Variants in GGA2 observed in about 807,000 individuals in gnomAD.
GGA2 encodes the protein ADP-ribosylation factor-binding protein GGA2.
Under a neutral mutation model 79.5 loss-of-function variants are expected in GGA2, and 48 were observed. That is an observed-to-expected ratio of 0.60 (90% CI 0.48 to 0.77). GGA2 has a LOEUF of 0.77. Among genes scored for constraint, GGA2 ranks in the 30% least tolerant of loss-of-function variants. The probability of loss-of-function intolerance (pLI) is 0.00; values close to 1 mark genes in which losing one functional copy is unlikely to be tolerated. For missense variants in GGA2, 770 were observed against 774.0 expected (o/e 0.99, Z 0.06); for synonymous variants, 317 against 302.0 (o/e 1.05, Z -0.51).
rs1278874765 is a variant in GGA2, at chr16:23,465,647, A to G, written c.*1943T>C. ...TACGCAACAGTAACAGAGCCTATAA[A>G]AGCTACACAGAGGCCGGGTGCGGTG... On this transcript the variant is annotated 3_prime_UTR_variant, in exon 17 of 17. Coordinates refer to ENST00000309859, the MANE Select transcript of GGA2 (RefSeq NM_015044.4). 1 of 514,296 alleles carries G rather than the reference A, an allele frequency of 1.9e-6. No individual in the cohort carries two copies. Among genetic ancestry groups the G allele is most frequent in the Non-Finnish European group, 3.5e-6 (1 of 288,782 alleles). 31.9% of individuals were successfully genotyped at this position (514,296 alleles called of 1,614,324 possible).
chr16:23,491,306 CAAAA>C (rs35347154), intron 5 of GGA2, among the ~76,000 whole-genome samples: 1 of 66,504 alleles, frequency 1.5e-5, no homozygotes, highest in Non-Finnish European at 2.6e-5. Context: ...CACCTTGTCT[CAAAA>C]AAAAAAAAAA....
intron 1 of GGA2, among the ~76,000 whole-genome samples, chr16:23,498,436 T>C (rs1964882421): frequency 1.3e-5 from 2 of 150,966 alleles, no homozygotes; most frequent in East Asian, 2.0e-4. Flanking sequence ...TCAAAAATAA[T>C]AATAAAAACA....
intron 1 of GGA2, chr16:23,501,229 G>A: frequency 2.2e-6 from 1 of 450,746 alleles, no homozygotes; most frequent in Non-Finnish European, 4.5e-6. Context: ...TCGTAGCTTT[G>A]GTGTACATCG....
Position 23,504,081 on chromosome 16 carries a change from C to CAA in GGA2, c.91+6238_91+6239dup, listed in dbSNP as rs1302041009. On this transcript the variant is annotated intron_variant, in intron 1 of 16. Transcript: ENST00000309859. ...GGGTAATAAGAGTGAAACTCCGTCTCAAAAAAAAAAAAAAAAGTACCTACT... is the reference window on the plus strand; with the variant it reads ...GGGTAATAAGAGTGAAACTCCGTCTCAAAAAAAAAAAAAAAAAAGTACCTACT... 6.0e-4 allele frequency among the ~76,000 whole-genome samples: 66 copies of CAA among 109,384 alleles called. 1 individual carries two copies. Among genetic ancestry groups the CAA allele is most frequent in the African/African-American group, 1.9e-3 (57 of 29,272 alleles). 71.8% of individuals were successfully genotyped at this position (109,384 alleles called of 152,430 possible).
Position 23,466,179 on chromosome 16 carries a change from G to T in GGA2, c.*1411C>A, listed in dbSNP as rs1964435269. ...TCAGACTGTAAAAATATCAGATATTGTAATTAAGAGCTCCAAACAAGTCTT... is the reference window on the plus strand; with the variant it reads ...TCAGACTGTAAAAATATCAGATATTTTAATTAAGAGCTCCAAACAAGTCTT... On this transcript the variant is annotated 3_prime_UTR_variant, in exon 17 of 17. Transcript: ENST00000309859. 1 of 152,118 alleles carries T rather than the reference G, an allele frequency of 6.6e-6. No individual in the cohort carries two copies. Among genetic ancestry groups the T allele is most frequent in the African/African-American group, 2.4e-5 (1 of 41,432 alleles). The allele number at this position is 152,118 out of a possible 1,614,324, so 9.4% of individuals were successfully genotyped here.
upstream of GGA2, among the ~76,000 whole-genome samples, chr16:23,515,237 T>A (rs188696289): frequency 6.6e-6 from 1 of 151,630 alleles, no homozygotes; most frequent in African/African-American, 2.4e-5. Context: ...GATAGGAAGA[T>A]TGCTTGAGCC....
chr16:23,504,061 A>G (rs964192889), intron 1 of GGA2, among the ~76,000 whole-genome samples: 3 of 152,036 alleles, frequency 2.0e-5, no homozygotes, highest in African/African-American at 7.2e-5. Flanking sequence ...AGCCTGGGTA[A>G]TAAGAGTGAA....
chr16:23,519,156 C>T (rs1022888595), intron 2 of GGA2, among the ~76,000 whole-genome samples: 1 of 151,330 alleles, frequency 6.6e-6, no homozygotes, highest in East Asian at 2.0e-4. Flanking sequence ...GATCCTCCCA[C>T]CTCAGCCACG....
Position 23,480,669 on chromosome 16 carries a change from A to G in GGA2, c.982T>C (p.Leu328=), listed in dbSNP as rs148964489. Residue 328 remains leucine, a synonymous_variant, in exon 10 of 17, where the codon TTG becomes CTG. Coordinates refer to ENST00000309859, the MANE Select transcript of GGA2 (RefSeq NM_015044.4). ...VTFGNRVTSS[L]GDIPVSRVFQ... ...CCTCTGGAGACAGGGATGTCTCCCA[A>G]TGAGCTGGTCACTCTGTTTCCAAAG... 9.9e-6 allele frequency: 16 copies of G among 1,613,480 alleles called. No homozygotes were observed. The East Asian group carries it at 1.8e-4, about 18-fold the overall frequency.
intron 5 of GGA2, 56 bp from the exon 6 acceptor site, chr16:23,488,765 C>G: frequency 2.1e-6 from 2 of 972,152 alleles, no homozygotes; most frequent in Non-Finnish European, 3.3e-6. Context: ...AAACTTCAGT[C>G]AGAATCCAGT....
Position 23,478,480 on chromosome 16 carries a change from C to T in GGA2, c.1180G>A (p.Glu394Lys). Residue 394 changes from glutamate to lysine, a missense_variant, in exon 13 of 17, where the codon GAG (glutamate) becomes AAG (lysine). Transcript: ENST00000309859. ...CTGGAGGAGGGATTCCTCTTTTCCTCACAGCAATTCTGACCAGAAACCTGT... is the reference window on the plus strand; with the variant it reads ...CTGGAGGAGGGATTCCTCTTTTCCTTACAGCAATTCTGACCAGAAACCTGT... ...TGMVSGQNCCEEKRNPSSSTL... is the reference protein window; with the variant it reads ...TGMVSGQNCCKEKRNPSSSTL... 1 of 1,608,018 alleles carries T rather than the reference C, an allele frequency of 6.2e-7. No homozygotes were observed. The highest frequency in any genetic ancestry group is 1.7e-4 in the Middle Eastern group (1 of 6,042).
intron 1 of GGA2, chr16:23,501,108 T>G (rs1964917024): frequency 2.6e-6 from 1 of 388,140 alleles, no homozygotes; most frequent in Non-Finnish European, 5.1e-6. Context: ...ACACCCACTT[T>G]CACAAGAGAA....
intron 1 of GGA2, among the ~76,000 whole-genome samples, chr16:23,504,402 T>C (rs983214519): frequency 1.3e-5 from 2 of 152,216 alleles, no homozygotes; most frequent in African/African-American, 4.8e-5. Flanking sequence ...TCACAGGCTC[T>C]AGTACCTAGA....
At chr16:23,522,465 C>T (rs188533700), upstream of GGA2, 1 of 151,892 alleles carries the variant, frequency 6.6e-6, no homozygotes, top group African/African-American at 2.4e-5. Flanking sequence ...TTTTCCAAAA[C>T]CTGTTTTTTT....
chr16:23,482,832 C>A, intron 9 of GGA2, 91 bp downstream of exon 9: 1 of 833,100 alleles, frequency 1.2e-6, no homozygotes. Flanking sequence ...AAAGTCCACT[C>A]TGTCTTGTTC....
At position 23,482,972 on chromosome 16, in the gene GGA2, G is replaced by T. The variant is rs759691471; in HGVS notation, c.831C>A (p.Pro277=). 9 of 1,612,666 alleles carry T rather than the reference G, an allele frequency of 5.6e-6. No individual in the cohort carries two copies. In the Admixed American group the frequency reaches 1.5e-4, roughly 27 times the overall value. Residue 277 remains proline (P), a synonymous_variant, in exon 9 of 17, where the codon CCC becomes CCA. Coordinates refer to ENST00000309859, the MANE Select transcript of GGA2 (RefSeq NM_015044.4). ...VVYERCEKLR[P]TLFRLASDTT... is the part of the protein sequence containing the mutation. ...TGTCACTCGCCAACCGGAACAGCGT[G>T]GGCCGCAGCTTTTCACACCTCTCAT...
chr16:23,488,394 C>T (rs1484745522), intron 6 of GGA2, among the ~76,000 whole-genome samples: 1 of 152,166 alleles, frequency 6.6e-6, no homozygotes, highest in Non-Finnish European at 1.5e-5. Flanking sequence ...TGCCTAAGAA[C>T]CAGGCTGAAT....
At chr16:23,486,595 G>A in intron 7 of GGA2, 115 bp downstream of exon 7, 1 of 762,098 alleles carries the variant, frequency 1.3e-6, no homozygotes, top group Admixed American at 1.7e-5. Flanking sequence ...AGGGCTAGGA[G>A]CCACTCTTTC....
At position 23,467,183 on chromosome 16, in the gene GGA2, G is replaced by A. The variant is rs1964447567; in HGVS notation, c.*407C>T. 5.9e-6 allele frequency: 1 copy of A among 168,786 alleles called. No individual in the cohort carries two copies. The highest frequency in any genetic ancestry group is 5.8e-5 in the Admixed American group (1 of 17,108). The allele number at this position is 168,786 out of a possible 1,614,324, so 10.5% of individuals were successfully genotyped here. A position where few individuals can be genotyped will look rare whatever the true frequency, so the allele number is the denominator to read the frequency against. ...CTGGGAGCAACCAAGCCTTTCAAAG[G>A]CTGACAAGGCACAGAGTGGATGAAT... On this transcript the variant is annotated 3_prime_UTR_variant, in exon 17 of 17. Transcript: ENST00000309859.
Sources: allele counts gnomAD v4.1 joint callset (sites outside exome capture counted in the v4.1 genomes callset), GRCh38; gene constraint gnomAD v4.1.1; transcripts MANE v1.5; gene names NCBI Gene and HGNC (gene_info 2026-07-23, HGNC 2026-07-21).